CHSY1: variants seen among roughly 807,000 people sequenced by gnomAD.
The protein encoded by CHSY1 is N-acetylgalactosaminyl-proteoglycan 3-beta-glucuronosyltransferase 1.
In CHSY1, 13 loss-of-function variants were observed where a neutral mutation model predicts 59.8. The observed-to-expected ratio is 0.22, with a 90% CI of 0.14 to 0.35. The LOEUF is 0.35. Among genes scored for constraint, CHSY1 ranks in the 10% least tolerant of loss-of-function variants. The pLI is 1.00. For synonymous variants in CHSY1, 459 were observed against 401.2 expected (o/e 1.14, Z -1.72); for missense variants, 947 against 1,030.6 (o/e 0.92, Z 1.11).
At chr15:101,212,514 A>G (rs2038692000) in intron 2 of CHSY1, among the ~76,000 whole-genome samples, 1 of 152,236 alleles carries the variant, frequency 6.6e-6, no homozygotes, top group Non-Finnish European at 1.5e-5. Context: ...GAAGCCTTAT[A>G]CAAGAGTCCA....
At chr15:101,236,593 G>C (rs983209850) in intron 1 of CHSY1, among the ~76,000 whole-genome samples, 4 of 151,728 alleles carry the variant, frequency 2.6e-5, no homozygotes, top group Non-Finnish European at 5.9e-5. Flanking sequence ...AGGCCGAGGC[G>C]GGCGGATCAT....
chr15:101,211,303 G>T (rs773616175), intron 2 of CHSY1, among the ~76,000 whole-genome samples: 2 of 152,198 alleles, frequency 1.3e-5, no homozygotes, highest in Non-Finnish European at 2.9e-5. Flanking sequence ...CAGCCTGTGC[G>T]AAAGAGCGAG....
chr15:101,187,759 CATTTA>C (rs1454855794), intron 2 of CHSY1: 1 of 152,366 alleles, frequency 6.6e-6, no homozygotes, highest in African/African-American at 2.4e-5. Context: ...CTGATGACTT[CATTTA>C]ATTTCCACTG....
chr15:101,251,097 G>A (rs2039104791), intron 1 of CHSY1, 40 bp downstream of exon 1: 6 of 1,529,982 alleles, frequency 3.9e-6, no homozygotes, highest in South Asian at 3.5e-5. Context: ...CCGCCGGGAT[G>A]CCGGACGCAG....
At chr15:101,226,676 G>A (rs117941130) in intron 2 of CHSY1, among the ~76,000 whole-genome samples, 5 of 152,100 alleles carry the variant, frequency 3.3e-5, no homozygotes, top group East Asian at 1.9e-4. Flanking sequence ...ACCCCACCTC[G>A]CTCCACCAGC....
chr15:101,194,682 C>A (rs1236378876), intron 2 of CHSY1, among the ~76,000 whole-genome samples: 2 of 152,188 alleles, frequency 1.3e-5, no homozygotes, highest in African/African-American at 2.4e-5. Flanking sequence ...TAGAACAGAT[C>A]TGCTGCATGC....
At chr15:101,235,772 A>G (rs1190988524) in intron 1 of CHSY1, among the ~76,000 whole-genome samples, 195 bp from the exon 2 acceptor site, 1 of 152,166 alleles carries the variant, frequency 6.6e-6, no homozygotes, top group Non-Finnish European at 1.5e-5. Context: ...AAGAACCCCA[A>G]CAAAAAATGA....
chr15:101,251,424 G>A lies in CHSY1; in HGVS notation c.33C>T (p.Ser11=), dbSNP rs1342688581. 5.4e-6 allele frequency: 6 copies of A among 1,105,746 alleles called. No individual in the cohort carries two copies. Among genetic ancestry groups the A allele is most frequent in the South Asian group, 2.1e-5 (1 of 48,182 alleles). The allele number at this position is 1,105,746 out of a possible 1,614,324, so 68.5% of individuals were successfully genotyped here. The change falls in exon 1 of 3, where the codon AGC becomes AGT. Residue 11 remains serine (S), a synonymous_variant. Coordinates refer to ENST00000254190, the MANE Select transcript of CHSY1 (RefSeq NM_014918.5). ...AGCCCAGGACGAGCCCGAGCAGCAC[G>A]CTGAGCCAGGCGCGCCGGCCGCGCG... The part of the protein sequence containing the change: MAARGRRAWL[S]VLLGLVLGFV...
intron 2 of CHSY1, among the ~76,000 whole-genome samples, chr15:101,228,904 ATC>A (rs576995802): frequency 3.9e-5 from 6 of 152,330 alleles, no homozygotes; most frequent in Admixed American, 3.9e-4. Context: ...ATTATTATAA[ATC>A]TCTGTTGACT....
intron 2 of CHSY1, among the ~76,000 whole-genome samples, chr15:101,229,529 T>C (rs986609985): frequency 2.0e-5 from 3 of 152,078 alleles, no homozygotes; most frequent in Non-Finnish European, 4.4e-5. Context: ...TATAAACATA[T>C]ATACATCCCA....
intron 2 of CHSY1, among the ~76,000 whole-genome samples, chr15:101,179,461 G>A (rs1054815457): frequency 6.6e-6 from 1 of 152,212 alleles, no homozygotes; most frequent in Non-Finnish European, 1.5e-5. Context: ...GGAGTACCCT[G>A]CTTCCAGGGA....
At chr15:101,179,851 C>T (rs1474552781) in intron 2 of CHSY1, among the ~76,000 whole-genome samples, 1 of 152,228 alleles carries the variant, frequency 6.6e-6, no homozygotes, top group Non-Finnish European at 1.5e-5. Flanking sequence ...TGGGTTCCCT[C>T]AAGTTAGGAA....
At chr15:101,193,333 C>A (rs1442571107) in intron 2 of CHSY1, among the ~76,000 whole-genome samples, 1 of 152,190 alleles carries the variant, frequency 6.6e-6, no homozygotes, top group Non-Finnish European at 1.5e-5. Flanking sequence ...GAAGGCCTCT[C>A]CAGCAGGGAA....
At chr15:101,181,186 T>C (rs1325900677) in intron 2 of CHSY1, among the ~76,000 whole-genome samples, 3 of 152,144 alleles carry the variant, frequency 2.0e-5, no homozygotes, top group Admixed American at 2.0e-4. Context: ...CACCGCTGAC[T>C]GCACCTGAGG....
chr15:101,200,981 T>C (rs2038568101), intron 2 of CHSY1, among the ~76,000 whole-genome samples: 1 of 152,052 alleles, frequency 6.6e-6, no homozygotes. Flanking sequence ...CCACCCTGGG[T>C]AAATCCTGTC....
intron 2 of CHSY1, among the ~76,000 whole-genome samples, chr15:101,195,492 G>A (rs750433532): frequency 1.9e-4 from 29 of 152,212 alleles, no homozygotes; most frequent in Non-Finnish European, 3.7e-4. Flanking sequence ...TAAGTCATGT[G>A]TCAACCGAAA....
intron 2 of CHSY1, among the ~76,000 whole-genome samples, chr15:101,210,683 T>C (rs998391526): frequency 6.6e-6 from 1 of 152,186 alleles, no homozygotes; most frequent in African/African-American, 2.4e-5. Flanking sequence ...CAATATCTGA[T>C]TGGATTAAGG....
chr15:101,250,040 CACA>C (rs2039091123), intron 1 of CHSY1, among the ~76,000 whole-genome samples: 1 of 152,174 alleles, frequency 6.6e-6, no homozygotes. Context: ...CTTTTCCCCT[CACA>C]ACATCTAGTG....
At position 101,229,702 on chromosome 15, in the gene CHSY1, T is replaced by C. The variant is rs138498974; in HGVS notation, c.816+5380A>G. Among the ~76,000 whole-genome samples the C allele has an allele frequency of 2.5e-3, 382 of 151,294 alleles. 2 individuals are homozygous for C. The highest frequency in any genetic ancestry group is 9.0e-3 in the African/African-American group (370 of 41,214). On this transcript the variant is annotated intron_variant, in intron 2 of 2. Coordinates refer to ENST00000254190, the MANE Select transcript of CHSY1 (RefSeq NM_014918.5). Reference sequence around the variant, plus strand: ...CAGGCAGATCACTTGAGGCCAGGAGTTCAAGACCAGCCTGGTTAACATGGT... The same window carrying C: ...CAGGCAGATCACTTGAGGCCAGGAGCTCAAGACCAGCCTGGTTAACATGGT...
Sources: allele counts gnomAD v4.1 joint callset (sites outside exome capture counted in the v4.1 genomes callset), GRCh38; gene constraint gnomAD v4.1.1; transcripts MANE v1.5; gene names NCBI Gene and HGNC (gene_info 2026-07-23, HGNC 2026-07-21).